KCND2: variants seen among roughly 807,000 people sequenced by gnomAD.
The protein encoded by KCND2 is A-type voltage-gated potassium channel KCND2.
A neutral mutation model predicts 54.4 loss-of-function variants in KCND2; 16 were observed. The observed-to-expected ratio is 0.29, with a 90% CI of 0.20 to 0.45. The LOEUF is 0.45. Among genes scored for constraint, KCND2 ranks in the 20% least tolerant of loss-of-function variants. The pLI is 1.00. For synonymous variants in KCND2, 317 were observed against 310.7 expected, an observed-to-expected ratio of 1.02 and a Z score of -0.21; for missense variants, 486 against 824.2, an observed-to-expected ratio of 0.59 and a Z score of 5.02.
intron 1 of KCND2, among the ~76,000 whole-genome samples, chr7:120,450,793 A>G (rs2116216658): frequency 6.6e-6 from 1 of 152,278 alleles, no homozygotes; most frequent in African/African-American, 2.4e-5. Context: ...GAAATGACCT[A>G]CTGATCTACT....
rs1285187773 is a variant in KCND2, at chr7:120,678,390, TA to T, written c.1116-54512del. On this transcript the variant is annotated intron_variant, in intron 1 of 5. Coordinates refer to ENST00000331113, the MANE Select transcript of KCND2 (RefSeq NM_012281.3). ...ATATATATACGCACACACACATATA[TA>T]GACACATACACACATATATATACAC... is the stretch of plus-strand genomic sequence containing the variant. Among the ~76,000 whole-genome samples, 577 of 142,456 alleles carry T rather than the reference TA, an allele frequency of 4.1e-3. 5 individuals are homozygous for T. Among genetic ancestry groups the T allele is most frequent in the East Asian group, 0.028 (122 of 4,370 alleles). 93.5% of individuals were successfully genotyped at this position (142,456 alleles called of 152,430 possible).
chr7:120,370,413 G>T (rs954290463), intron 1 of KCND2, among the ~76,000 whole-genome samples: 1 of 151,914 alleles, frequency 6.6e-6, no homozygotes. Context: ...TTGCAATCAG[G>T]ACGCATTTTG....
chr7:120,337,594 A>G (rs2116359664), intron 1 of KCND2, among the ~76,000 whole-genome samples: 1 of 152,314 alleles, frequency 6.6e-6, no homozygotes, highest in African/African-American at 2.4e-5. Context: ...TTCCCATTCT[A>G]AAGTCATATA....
chr7:120,569,085 G>T (rs1191690155), intron 1 of KCND2, among the ~76,000 whole-genome samples: 1 of 152,020 alleles, frequency 6.6e-6, no homozygotes, highest in African/African-American at 2.4e-5. Flanking sequence ...ATTTCAAACT[G>T]ATCTAGGAGG....
chr7:120,278,217 GCCTTTT>G (rs1227922997), intron 1 of KCND2, among the ~76,000 whole-genome samples: 2 of 151,792 alleles, frequency 1.3e-5, no homozygotes, highest in African/African-American at 4.8e-5. Flanking sequence ...TATAAGCCCT[GCCTTTT>G]TGGTGCCATC....
rs139117338 is a variant in KCND2, at chr7:120,688,316, G to A, written c.1116-44587G>A. On this transcript the variant is annotated intron_variant, in intron 1 of 5. Transcript: ENST00000331113. ...CCACTCAGCTCTGCTGTGGTAACAA[G>A]CAAACAATCAGAAAAGACGCAAGCA... Among the ~76,000 whole-genome samples the A allele has an allele frequency of 4.4e-3, 665 of 152,180 alleles. 5 individuals carry two copies. The highest frequency in any genetic ancestry group is 0.015 in the African/African-American group (638 of 41,512).
intron 1 of KCND2, among the ~76,000 whole-genome samples, chr7:120,577,428 A>G (rs1439764826): frequency 1.3e-5 from 2 of 152,152 alleles, no homozygotes; most frequent in East Asian, 3.9e-4. Context: ...CATCATTTCT[A>G]CAATTCTATA....
chr7:120,288,301 GT>G (rs1181318277), intron 1 of KCND2, among the ~76,000 whole-genome samples: 1 of 152,114 alleles, frequency 6.6e-6, no homozygotes, highest in Non-Finnish European at 1.5e-5. Flanking sequence ...AACTAGAATA[GT>G]CTTTGGGTAT....
chr7:120,503,021 G>C (rs1802959064), intron 1 of KCND2, among the ~76,000 whole-genome samples: 1 of 152,072 alleles, frequency 6.6e-6, no homozygotes, highest in Non-Finnish European at 1.5e-5. Context: ...TACCCAGTTT[G>C]AAGTACTTGC....
At chr7:120,417,587 A>G (rs559360204) in intron 1 of KCND2, among the ~76,000 whole-genome samples, 28 of 152,358 alleles carry the variant, frequency 1.8e-4, no homozygotes, top group African/African-American at 6.7e-4. Flanking sequence ...ATAAAAGGCT[A>G]AAACAAAATT....
At chr7:120,373,437 A>G (rs1446985310) in intron 1 of KCND2, among the ~76,000 whole-genome samples, 3 of 151,896 alleles carry the variant, frequency 2.0e-5, no homozygotes, top group Non-Finnish European at 4.4e-5. Context: ...TTCATATGCA[A>G]ATCTGAAAAG....
chr7:120,456,358 A>C (rs2116228905), intron 1 of KCND2, among the ~76,000 whole-genome samples: 1 of 152,318 alleles, frequency 6.6e-6, no homozygotes, highest in African/African-American at 2.4e-5. Context: ...ATATTGAATA[A>C]TCTGTATGGC....
intron 1 of KCND2, among the ~76,000 whole-genome samples, chr7:120,315,276 C>G (rs954184910): frequency 1.3e-5 from 2 of 152,042 alleles, no homozygotes; most frequent in African/African-American, 4.8e-5. Context: ...TTGAACAGAC[C>G]CAAGAGTTTT....
intron 1 of KCND2, among the ~76,000 whole-genome samples, chr7:120,367,946 G>T (rs1800710981): frequency 6.6e-6 from 1 of 152,022 alleles, no homozygotes; most frequent in Admixed American, 6.6e-5. Flanking sequence ...TGGGATCTTT[G>T]TTGCCAGAGT....
At chr7:120,721,171 G>A (rs910295660) in intron 1 of KCND2, among the ~76,000 whole-genome samples, 32 of 151,944 alleles carry the variant, frequency 2.1e-4, no homozygotes, top group African/African-American at 7.0e-4. Flanking sequence ...TGTTTTTGTC[G>A]TGTGTTGTTG....
intron 1 of KCND2, among the ~76,000 whole-genome samples, chr7:120,374,484 T>A (rs1272609950): frequency 6.6e-6 from 1 of 151,864 alleles, no homozygotes; most frequent in Admixed American, 6.6e-5. Context: ...TATTTCTTAG[T>A]TGAATTACTT....
chr7:120,634,333 G>T (rs1358667932), intron 1 of KCND2, among the ~76,000 whole-genome samples: 2 of 152,040 alleles, frequency 1.3e-5, no homozygotes, highest in Non-Finnish European at 2.9e-5. Flanking sequence ...TAATGATTGG[G>T]TAGTATTATT....
rs546053903 is a variant in KCND2 at position 120,720,158 on chromosome 7, C to G, written c.1116-12745C>G. 1.7e-4 allele frequency among the ~76,000 whole-genome samples: 26 copies of G among 152,202 alleles called. No homozygotes were observed. In the East Asian group the frequency reaches 4.4e-3, roughly 26 times the overall value. The stretch of plus-strand genomic sequence containing the variant: ...TTCGAGTGTACCCTAGAAGAAGGTC[C>G]ATCTTACCCTTAGTTTTTAACATAA... On this transcript the variant is annotated intron_variant, in intron 1 of 5. Transcript: ENST00000331113.
chr7:120,452,726 T>C (rs1393011445), intron 1 of KCND2, among the ~76,000 whole-genome samples: 2 of 152,158 alleles, frequency 1.3e-5, no homozygotes, highest in African/African-American at 4.8e-5. Context: ...GAGAGCAGGC[T>C]CCAGCTAGTG....
Sources: allele counts gnomAD v4.1 joint callset (sites outside exome capture counted in the v4.1 genomes callset), GRCh38; gene constraint gnomAD v4.1.1; transcripts MANE v1.5; gene names NCBI Gene and HGNC (gene_info 2026-07-23, HGNC 2026-07-21).